Variants in GNB3 observed in about 807,000 individuals in gnomAD.
GNB3 encodes the protein G protein subunit beta 3, also known as guanine nucleotide-binding protein G(I)/G(S)/G(T) subunit beta-3.
GNB3 carries 33 observed loss-of-function variants against 41.2 expected under a neutral mutation model. The observed-to-expected ratio is 0.80, with a 90% CI of 0.61 to 1.07. The LOEUF is 1.07. GNB3 is among the 50% of genes least tolerant of loss of function. The probability of loss-of-function intolerance (pLI) is 0.00; values close to 1 mark genes in which losing one functional copy is unlikely to be tolerated. For synonymous variants in GNB3, 172 were observed against 173.4 expected (o/e 0.99, Z 0.06); for missense variants, 409 against 455.3 (o/e 0.90, Z 0.92).
intron 3 of GNB3, 143 bp from the exon 4 acceptor site, chr12:6,842,827 C>T (rs1555123658): frequency 5.2e-6 from 3 of 579,562 alleles, no homozygotes; most frequent in African/African-American, 3.7e-5. Context: ...TAAGACACTC[C>T]AGGGCAGAGA....
intron 9 of GNB3, 176 bp from the exon 10 acceptor site, chr12:6,846,616 C>T: frequency 3.6e-6 from 2 of 556,032 alleles, no homozygotes; most frequent in South Asian, 4.5e-5. Context: ...TGCTCAAGCA[C>T]ACATGCACAC....
chr12:6,845,895 G>A lies in GNB3; in HGVS notation c.916+93G>A, dbSNP rs782401589. 4.4e-5 allele frequency: 38 copies of A among 865,036 alleles called. No individual in the cohort carries two copies. The African/African-American group carries it at 5.0e-4, about 11-fold the overall frequency. 53.6% of individuals were successfully genotyped at this position (865,036 alleles called of 1,614,324 possible). On this transcript the variant is annotated intron_variant, in intron 9 of 9. Transcript: ENST00000229264. ...TGTACCCCCCATCAGCTCCCATTTC[G>A]GACTCTCTTACTGCTGTCCCTTGTC...
At chr12:6,846,084 T>G (rs1943691060) in intron 9 of GNB3, 1 of 411,102 alleles carries the variant, frequency 2.4e-6, no homozygotes, top group South Asian at 3.4e-5. Flanking sequence ...TCTGGGTTCC[T>G]GGCATTTCAG....
chr12:6,842,398 G>C (rs1382343732), intron 3 of GNB3, among the ~76,000 whole-genome samples: 1 of 152,098 alleles, frequency 6.6e-6, no homozygotes, highest in Non-Finnish European at 1.5e-5. Flanking sequence ...AAAAAAAATT[G>C]CTTTTAACTT....
Position 6,845,745 on chromosome 12 carries a change from G to T in GNB3, c.859G>T (p.Ala287Ser), listed in dbSNP as rs782090563. The part of the protein sequence containing the change: ...AFSLSGRLLF[A>S]GYDDFNCNVW... ...CTCCCTCAGTGGCCGCCTACTATTC[G>T]CTGGCTACGACGACTTCAACTGCAA... The change falls in exon 9 of 10, where the codon GCT becomes TCT. Residue 287 changes from alanine (A) to serine (S), a missense_variant. By Grantham distance (99) the Ala-to-Ser change is moderately conservative (BLOSUM62 1). Coordinates refer to ENST00000229264, the MANE Select transcript of GNB3 (RefSeq NM_002075.4). The T allele has an allele frequency of 6.8e-6, 11 of 1,614,058 alleles. No individual in the cohort carries two copies. The East Asian group carries it at 2.2e-4, about 33-fold the overall frequency.
In GNB3 at chr12:6,845,707, C is replaced by G; in HGVS notation, c.821C>G (p.Thr274Arg). Reference sequence around the variant, plus strand: ...CACGAGAGCATCATCTGCGGCATCACGTCCGTGGCCTTCTCCCTCAGTGGC... The same window carrying G: ...CACGAGAGCATCATCTGCGGCATCAGGTCCGTGGCCTTCTCCCTCAGTGGC... ...FSHESIICGI[T>R]SVAFSLSGRL... Residue 274 changes from threonine (T) to arginine (R), a missense_variant, in exon 9 of 10, where the codon ACG becomes AGG. Transcript: ENST00000229264. The G allele has an allele frequency of 6.2e-7, 1 of 1,614,070 alleles. No individual in the cohort carries two copies. Among genetic ancestry groups the G allele is most frequent in the Non-Finnish European group, 8.5e-7 (1 of 1,179,928 alleles).
chr12:6,846,426 GC>G (rs781809193), intron 9 of GNB3: 5 of 191,008 alleles, frequency 2.6e-5, no homozygotes, highest in Non-Finnish European at 5.4e-5. Context: ...CTGTCAAGGT[GC>G]CCTCGGGTTT....
intron 1 of GNB3, 76 bp from the exon 2 acceptor site, chr12:6,841,182 A>G (rs1591586058): frequency 1.2e-6 from 1 of 839,644 alleles, no homozygotes. Flanking sequence ...TGTGTCTTGG[A>G]GTCTGGTGTG....
intron 3 of GNB3, chr12:6,841,848 A>T: frequency 2.9e-6 from 2 of 691,930 alleles, no homozygotes; most frequent in East Asian, 2.7e-5. Context: ...TCCGTAGAAC[A>T]AGAGTGACCA....
intron 9 of GNB3, 160 bp downstream of exon 9, chr12:6,845,962 C>T: frequency 1.6e-6 from 1 of 619,184 alleles, no homozygotes; most frequent in South Asian, 1.9e-5. Context: ...CCCTTGGTTC[C>T]CAACTAGGAC....
In GNB3 at chr12:6,846,809, G is replaced by A. The variant is rs782486911; in HGVS notation, c.934G>A (p.Asp312Asn). ...TTCCTCAGGCATCCTCTCTGGCCAC[G>A]ATAACAGGGTGAGCTGCCTGGGAGT... is the stretch of plus-strand genomic sequence containing the variant. Reference protein sequence around the residue: ...SERVGILSGHDNRVSCLGVTA... With the variant: ...SERVGILSGHNNRVSCLGVTA... Residue 312 changes from aspartate to asparagine, a missense_variant, in exon 10 of 10, where the codon GAT (aspartate) becomes AAT (asparagine). By Grantham distance (23) the Asp-to-Asn change is conservative (BLOSUM62 1). Transcript: ENST00000229264. The A allele has an allele frequency of 7.5e-6, 12 of 1,595,706 alleles. No individual in the cohort carries two copies. The South Asian group carries it at 9.1e-5, about 12-fold the overall frequency.
chr12:6,846,697 A>G, intron 9 of GNB3, 95 bp from the exon 10 acceptor site: 1 of 529,814 alleles, frequency 1.9e-6, no homozygotes, highest in Middle Eastern at 3.4e-4. Flanking sequence ...ATACACACAC[A>G]CACCCACACA....
rs186664804 is a variant in GNB3 at position 6,841,758 on chromosome 12, C to T, written c.96+134C>T. Reference sequence around the variant, plus strand: ...GAGGAAACCCATTAATTAATTCATTCGACCAACATTTTAGCGGGACCTGCT... The same window carrying T: ...GAGGAAACCCATTAATTAATTCATTTGACCAACATTTTAGCGGGACCTGCT... On this transcript the variant is annotated intron_variant, in intron 3 of 9. Coordinates refer to ENST00000229264, the MANE Select transcript of GNB3 (RefSeq NM_002075.4). 2.8e-5 allele frequency: 21 copies of T among 738,440 alleles called. No individual in the cohort carries two copies. In the East Asian group the frequency reaches 3.3e-4, roughly 11 times the overall value. 45.7% of individuals were successfully genotyped at this position (738,440 alleles called of 1,614,324 possible). A position where few individuals can be genotyped will look rare whatever the true frequency, so the allele number is the denominator to read the frequency against.
intron 3 of GNB3, chr12:6,841,884 T>C: frequency 1.5e-6 from 1 of 670,264 alleles, no homozygotes; most frequent in South Asian, 1.5e-5. Flanking sequence ...GCCTTGAAGA[T>C]GAAGAAGCGA....
At chr12:6,845,956 TG>T (rs1943688806) in intron 9 of GNB3, 154 bp downstream of exon 9, 1 of 631,510 alleles carries the variant, frequency 1.6e-6, no homozygotes, top group East Asian at 2.7e-5. Flanking sequence ...CAGTACCCCT[TG>T]GTTCCCAACT....
At chr12:6,846,161 G>A in intron 9 of GNB3, 1 of 277,196 alleles carries the variant, frequency 3.6e-6, no homozygotes, top group South Asian at 5.0e-5. Flanking sequence ...AAGGAGATCT[G>A]GAGTGGCCCG....
intron 9 of GNB3, 92 bp from the exon 10 acceptor site, chr12:6,846,700 C>CA (rs879966575): frequency 1.3e-4 from 88 of 675,042 alleles, no homozygotes; most frequent in African/African-American, 9.6e-4. Flanking sequence ...CACACACACA[C>CA]CCACACACCC....
In GNB3 at chr12:6,843,149, A is replaced by G. The variant is rs990671386; in HGVS notation, c.204-25A>G. On this transcript the variant is annotated intron_variant, in intron 4 of 9. Coordinates refer to ENST00000229264, the MANE Select transcript of GNB3 (RefSeq NM_002075.4). This position sits in a 1 kb window ranked among gnomAD's most constrained non-coding sequence, Gnocchi z 5.9. ...AGGAAGGCGGGAAGGGGAGGCTTGCATGATATGGGATGCCCTCTCCCCAGG... is the reference window on the plus strand; with the variant it reads ...AGGAAGGCGGGAAGGGGAGGCTTGCGTGATATGGGATGCCCTCTCCCCAGG... 6.2e-7 allele frequency: 1 copy of G among 1,611,054 alleles called. No individual in the cohort carries two copies. The highest frequency in any genetic ancestry group is 1.3e-5 in the African/African-American group (1 of 74,798).
At position 6,847,117 on chromosome 12, in the gene GNB3, CCA is replaced by C; in HGVS notation, c.*222_*223del. The C allele has an allele frequency of 1.8e-6, 1 of 543,112 alleles. No individual in the cohort carries two copies. The highest frequency in any genetic ancestry group is 3.3e-6 in the Non-Finnish European group (1 of 300,514). The allele number at this position is 543,112 out of a possible 1,614,324, so 33.6% of individuals were successfully genotyped here. On this transcript the variant is annotated 3_prime_UTR_variant, in exon 10 of 10. Transcript: ENST00000229264. ...CATCTCCTCCCATGGCCTTCCCTCC[CCA>C]CAGTCCTCACAGCCTCTCCCTTAAT...
Sources: allele counts gnomAD v4.1 joint callset (sites outside exome capture counted in the v4.1 genomes callset), GRCh38; gene constraint gnomAD v4.1.1; non-coding constraint Gnocchi (gnomAD v3.1); transcripts MANE v1.5; gene names NCBI Gene and HGNC (gene_info 2026-07-23, HGNC 2026-07-21).